Variants in ZMYM3 observed in about 807,000 individuals in gnomAD.
ZMYM3 encodes zinc finger MYM-type protein 3.
In ZMYM3, 6 loss-of-function variants were observed where a neutral mutation model predicts 94.2. The observed-to-expected ratio is 0.06, with a 90% CI of 0.03 to 0.13. The LOEUF (loss-of-function observed/expected upper bound fraction) is 0.13. ZMYM3 is among the 10% of genes least tolerant of loss of function. The probability of loss-of-function intolerance (pLI) is 1.00; values close to 1 mark genes in which losing one functional copy is unlikely to be tolerated. For missense variants in ZMYM3, 664 were observed against 1,132.6 expected (o/e 0.59, Z 5.94); for synonymous variants, 420 against 426.5 (o/e 0.98, Z 0.19).
chrX:71,250,100 G>T lies in ZMYM3; in HGVS notation c.1177C>A (p.Gln393Lys). The change falls in exon 6 of 25, where the codon CAG becomes AAG. Residue 393 changes from glutamine to lysine, a missense_variant. Around this residue, in one of 9 missense-constraint regions of ZMYM3, gnomAD observed 51 missense variants for 53.0 expected, o/e 0.96. Coordinates refer to ENST00000314425, the MANE Select transcript of ZMYM3 (RefSeq NM_201599.3). ...CCAGACTGGGGGATCGGGCGCTGCT[G>T]CTGGGCCTCATACAGGGAGAGACAG... ...SVCLSLYEAQ[Q>K]QRPIPQSGDP... 7 of 1,208,521 alleles carry T rather than the reference G, an allele frequency of 5.8e-6. No individual in the cohort carries two copies. The highest frequency in any genetic ancestry group is 7.8e-6 in the Non-Finnish European group (7 of 894,097).
Position 71,253,181 on chromosome X carries a change from T to A in ZMYM3, c.75A>T (p.Pro25=). The stretch of plus-strand genomic sequence containing the variant: ...GATCCTCTCCAAATTCCATGTCTAC[T>A]GGTAGGTCTCCAGCCAGGGGCTTCT... The part of the protein sequence containing the change: ...LPEKPLAGDL[P]VDMEFGEDLL... Residue 25 remains proline, a synonymous_variant, in exon 2 of 25, where the codon CCA becomes CCT. Coordinates refer to ENST00000314425, the MANE Select transcript of ZMYM3 (RefSeq NM_201599.3). The A allele has an allele frequency of 8.3e-7, 1 of 1,199,630 alleles. No individual in the cohort carries two copies. Among genetic ancestry groups the A allele is most frequent in the South Asian group, 1.8e-5 (1 of 54,501 alleles).
intron 13 of ZMYM3, 45 bp from the exon 14 acceptor site, chrX:71,246,737 C>G (rs762551276): frequency 8.1e-6 from 9 of 1,115,825 alleles, no homozygotes; most frequent in Non-Finnish European, 9.8e-6. Flanking sequence ...GGGACTAGCT[C>G]TCCATTTTCC....
intron 1 of ZMYM3, among the ~76,000 whole-genome samples, chrX:71,253,752 T>C (rs2030626218): frequency 3.1e-5 from 1 of 32,316 alleles, no homozygotes; most frequent in African/African-American, 1.4e-4. Context: ...CCCGCGTTGC[T>C]AGGTCCTCCC....
chrX:71,248,863 C>T, intron 8 of ZMYM3, 62 bp from the exon 9 acceptor site: 1 of 1,102,089 alleles, frequency 9.1e-7, no homozygotes, highest in Non-Finnish European at 1.2e-6. Flanking sequence ...AGAGAGCACA[C>T]AGAAGGTGTA....
rs745438880 is a variant in ZMYM3 at position 71,250,401 on chromosome X, C to T, written c.1073+31G>A. On this transcript the variant is annotated intron_variant, in intron 5 of 24. Coordinates refer to ENST00000314425, the MANE Select transcript of ZMYM3 (RefSeq NM_201599.3). Reference sequence around the variant, plus strand: ...CTCATACTCCTGCCCAGATCCCTGCCCTCTGCATAGCCCCCAAGACCCTCA... The same window carrying T: ...CTCATACTCCTGCCCAGATCCCTGCTCTCTGCATAGCCCCCAAGACCCTCA... 7 of 1,176,972 alleles carry T rather than the reference C, an allele frequency of 5.9e-6. No homozygotes were observed. In the East Asian group the frequency reaches 1.8e-4, roughly 30 times the overall value.
At position 71,250,746 on chromosome X, in the gene ZMYM3, G is replaced by C; in HGVS notation, c.779-20C>G. The stretch of plus-strand genomic sequence containing the variant: ...CTGGAACTGAGAAAGTGGGGGGATG[G>C]ACATGAGAAAGGCCACCAAACCAGG... On this transcript the variant is annotated intron_variant, in intron 4 of 24. Coordinates refer to ENST00000314425, the MANE Select transcript of ZMYM3 (RefSeq NM_201599.3). 8.6e-7 allele frequency: 1 copy of C among 1,168,387 alleles called. No individual in the cohort carries two copies. Among genetic ancestry groups the C allele is most frequent in the Non-Finnish European group, 1.1e-6 (1 of 870,450 alleles).
In ZMYM3 at chrX:71,239,678, G is replaced by A. The variant is rs917543488; in HGVS notation, c.*1238C>T. ...CAATTTCAGAGACAGAAGGTTAGTC[G>A]TGACAACAGCTTCTCACTACAACAC... On this transcript the variant is annotated 3_prime_UTR_variant, in exon 25 of 25. Transcript: ENST00000314425. 2 of 112,686 alleles carry A rather than the reference G, an allele frequency of 1.8e-5. No individual in the cohort carries two copies. Among genetic ancestry groups the A allele is most frequent in the African/African-American group, 6.5e-5 (2 of 30,941 alleles). The allele number at this position is 112,686 out of a possible 1,213,427, so 9.3% of individuals were successfully genotyped here. A position where few individuals can be genotyped will look rare whatever the true frequency, so the allele number is the denominator to read the frequency against.
rs143651259 is a variant in ZMYM3, at chrX:71,250,089, C to G, written c.1188G>C (p.Pro396=). Residue 396 remains proline, a synonymous_variant, in exon 6 of 25, where the codon CCG becomes CCC. Coordinates refer to ENST00000314425, the MANE Select transcript of ZMYM3 (RefSeq NM_201599.3). The part of the protein sequence containing the change: ...LSLYEAQQQR[P]IPQSGDPADA... ...CGGCGGGATCCCCAGACTGGGGGAT[C>G]GGGCGCTGCTGCTGGGCCTCATACA... The G allele has an allele frequency of 2.0e-4, 240 of 1,204,356 alleles. No homozygotes were observed. The highest frequency in any genetic ancestry group is 4.6e-4 in the Middle Eastern group (2 of 4,338).
chrX:71,250,131 T>C lies in ZMYM3; in HGVS notation c.1146A>G (p.Thr382=). 6 of 1,206,525 alleles carry C rather than the reference T, an allele frequency of 5.0e-6. No individual in the cohort carries two copies. The highest frequency in any genetic ancestry group is 6.7e-6 in the Non-Finnish European group (6 of 893,425). Residue 382 remains threonine (T), a synonymous_variant, in exon 6 of 25, where the codon ACA becomes ACG. Transcript: ENST00000314425. ...GSGGSFHEFC[T]SVCLSLYEAQ... Reference sequence around the variant, plus strand: ...CCTCATACAGGGAGAGACAGACGGATGTGCAGAACTCATGGAAGGAGCCTC... The same window carrying C: ...CCTCATACAGGGAGAGACAGACGGACGTGCAGAACTCATGGAAGGAGCCTC...
In ZMYM3 at chrX:71,252,864, C is replaced by G; in HGVS notation, c.392G>C (p.Gly131Ala). Residue 131 changes from glycine to alanine, a missense_variant, in exon 2 of 25, where the codon GGG (glycine) becomes GCG (alanine). Transcript: ENST00000314425. Reference protein sequence around the residue: ...PEVVPPDPGAGANSCSPEGLL... With the variant: ...PEVVPPDPGAAANSCSPEGLL... ...CCCCTCAGGTGAACAGGAATTTGCC[C>G]CAGCCCCTGGATCAGGTGGTACCAC... 1 of 1,210,272 alleles carries G rather than the reference C, an allele frequency of 8.3e-7. No individual in the cohort carries two copies. The highest frequency in any genetic ancestry group is 1.8e-5 in the South Asian group (1 of 56,665).
Position 71,247,428 on chromosome X carries a change from T to C in ZMYM3, c.2231A>G (p.Asn744Ser), listed in dbSNP as rs2030228916. 1 of 1,208,969 alleles carries C rather than the reference T, an allele frequency of 8.3e-7. No homozygotes were observed. Among genetic ancestry groups the C allele is most frequent in the African/African-American group, 1.7e-5 (1 of 57,470 alleles). Residue 744 changes from asparagine (N) to serine (S), a missense_variant, in exon 13 of 25, where the codon AAC becomes AGC. By Grantham distance (46) the Asn-to-Ser change is conservative. Transcript: ENST00000314425. ...HWRGQIRHFCNQQCLLRFYSQ... is the reference protein window; with the variant it reads ...HWRGQIRHFCSQQCLLRFYSQ... ...ATAGAAACGCAGAAGACACTGCTGG[T>C]TGCAGAAATGACGGATCTGCCCACG...
intron 23 of ZMYM3, 127 bp from the exon 24 acceptor site, chrX:71,241,471 G>A (rs958355245): frequency 4.0e-6 from 2 of 501,639 alleles, no homozygotes; most frequent in African/African-American, 2.4e-5. Flanking sequence ...AAGATGGAGA[G>A]GTGGAAGAAG....
At chrX:71,241,434 C>T (rs1386987280) in intron 23 of ZMYM3, 90 bp from the exon 24 acceptor site, 5 of 669,694 alleles carry the variant, frequency 7.5e-6, no homozygotes, top group African/African-American at 2.2e-5. Context: ...AGGGAGAAGG[C>T]GTCACGACAC....
In ZMYM3 at chrX:71,245,481, A is replaced by C. The variant is rs374745868; in HGVS notation, c.2865T>G (p.Leu955=). ...GTCCCTCTGCACTCTGGTTGCTCAC[A>C]AGATCTGGGAAGCAGAGAAGTTGGC... ...LDKASSDLCD[L]VSNQSAEGLL... is the part of the protein sequence containing the mutation. Residue 955 remains leucine (L), a synonymous_variant, in exon 18 of 25, where the codon CTT becomes CTG. Coordinates refer to ENST00000314425, the MANE Select transcript of ZMYM3 (RefSeq NM_201599.3). 2.4e-4 allele frequency: 290 copies of C among 1,202,282 alleles called. No individual in the cohort carries two copies. Among genetic ancestry groups the C allele is most frequent in the Non-Finnish European group, 3.2e-4 (285 of 891,641 alleles).
At chrX:71,248,110 A>T (rs1274000343) in intron 11 of ZMYM3, 52 bp downstream of exon 11, 1 of 1,200,429 alleles carries the variant, frequency 8.3e-7, no homozygotes, top group Admixed American at 2.2e-5. Context: ...CTTCTCCTCC[A>T]TTCTCCCTGG....
In ZMYM3 at chrX:71,245,463, T is replaced by A; in HGVS notation, c.2883A>T (p.Ala961=). The A allele has an allele frequency of 8.3e-7, 1 of 1,209,056 alleles. No individual in the cohort carries two copies. ...DLCDLVSNQS[A]EGLLEDCDLF... ...GGTCACAGTCTTCCAGGAGTCCCTC[T>A]GCACTCTGGTTGCTCACAAGATCTG... Residue 961 remains alanine, a synonymous_variant, in exon 18 of 25, where the codon GCA becomes GCT. Coordinates refer to ENST00000314425, the MANE Select transcript of ZMYM3 (RefSeq NM_201599.3).
Position 71,248,772 on chromosome X carries a change from G to A in ZMYM3, c.1651C>T (p.Arg551Cys), listed in dbSNP as rs766597461. 5 of 1,207,287 alleles carry A rather than the reference G, an allele frequency of 4.1e-6. No individual in the cohort carries two copies. Among genetic ancestry groups the A allele is most frequent in the Middle Eastern group, 2.3e-4 (1 of 4,341 alleles). Residue 551 changes from arginine to cysteine, a missense_variant, in exon 9 of 25, where the codon CGC (arginine) becomes TGC (cysteine). Physicochemically the swap from Arg to Cys is radical, Grantham distance 180 (BLOSUM62 -3). Around this residue, in one of 9 missense-constraint regions of ZMYM3, gnomAD observed 159 missense variants for 313.0 expected, o/e 0.51. Transcript: ENST00000314425. ...TAGTAACAGGGGTCAGAGAGGCTGC[G>A]GCGGCAGAAGCTGCAGGGTCGGGGA... Reference protein sequence around the residue: ...GPPRPCSFCRRSLSDPCYYNK... With the variant: ...GPPRPCSFCRCSLSDPCYYNK...
chrX:71,251,872 G>A (rs1222207795), intron 2 of ZMYM3: 1 of 749,536 alleles, frequency 1.3e-6, no homozygotes, highest in Non-Finnish European at 1.6e-6. Flanking sequence ...AGGAAACACA[G>A]GTAATATACC....
chrX:71,248,247 C>G lies in ZMYM3; in HGVS notation c.1890G>C (p.Val630=). 8.3e-7 allele frequency: 1 copy of G among 1,209,395 alleles called. No homozygotes were observed. ...CEDFKRLRGV[V]SQCEHCRQEK... is the part of the protein sequence containing the mutation. Reference sequence around the variant, plus strand: ...CCTGCCGACAGTGCTCACACTGGGACACCACACCCCGAAGCCGCTTGAAGT... The same window carrying G: ...CCTGCCGACAGTGCTCACACTGGGAGACCACACCCCGAAGCCGCTTGAAGT... The change falls in exon 11 of 25, where the codon GTG becomes GTC. Residue 630 remains valine, a synonymous_variant. Coordinates refer to ENST00000314425, the MANE Select transcript of ZMYM3 (RefSeq NM_201599.3).
Sources: allele counts gnomAD v4.1 joint callset (sites outside exome capture counted in the v4.1 genomes callset), GRCh38; gene constraint gnomAD v4.1.1; regional missense constraint gnomAD v4.1.1; transcripts MANE v1.5; gene names NCBI Gene and HGNC (gene_info 2026-07-23, HGNC 2026-07-21).